The following PRDM5 variants were observed in gnomAD, a reference collection of about 807,000 sequenced individuals.
PRDM5 encodes PR domain zinc finger protein 5.
Under a neutral mutation model 81.2 loss-of-function variants are expected in PRDM5, and 56 were observed. That is an observed-to-expected ratio of 0.69 (90% CI 0.56 to 0.86). The LOEUF is 0.86. Ranked by LOEUF, PRDM5 falls within the 40% of genes least tolerant of loss-of-function variation. The pLI is 0.00. For synonymous variants in PRDM5, 267 were observed against 256.4 expected, an observed-to-expected ratio of 1.04 and a Z score of -0.39; for missense variants, 697 against 770.1, an observed-to-expected ratio of 0.91 and a Z score of 1.12.
chr4:120,903,777 G>T (rs375990774), intron 2 of PRDM5, among the ~76,000 whole-genome samples: 1 of 152,254 alleles, frequency 6.6e-6, no homozygotes, highest in African/African-American at 2.4e-5. Context: ...TTTTATAAAC[G>T]GGAGTTCTCT....
rs535638098 is a variant in PRDM5, at chr4:120,829,228, A to C, written c.301-7883T>G. Among the ~76,000 whole-genome samples, 356 of 152,218 alleles carry C rather than the reference A, an allele frequency of 2.3e-3. 1 individual carries two copies. Among genetic ancestry groups the C allele is most frequent in the African/African-American group, 8.0e-3 (331 of 41,558 alleles). ...AGCCATGCTTTGATAAGATTTTATCAATGTGACTACTTCTGTACTGTGGTA... is the reference window on the plus strand; with the variant it reads ...AGCCATGCTTTGATAAGATTTTATCCATGTGACTACTTCTGTACTGTGGTA... On this transcript the variant is annotated intron_variant, in intron 3 of 15. Transcript: ENST00000264808.
chr4:120,746,690 T>C (rs971722707), intron 14 of PRDM5, among the ~76,000 whole-genome samples: 324 of 147,928 alleles, frequency 2.2e-3, no homozygotes, highest in African/African-American at 7.5e-3. Context: ...AAAATGCTCA[T>C]CATCACCGGC....
chr4:120,764,868 A>T (rs1425195827), intron 13 of PRDM5, among the ~76,000 whole-genome samples: 1 of 152,228 alleles, frequency 6.6e-6, no homozygotes, highest in Non-Finnish European at 1.5e-5. Context: ...TAGTAATGAG[A>T]CAGAAAATAA....
intron 13 of PRDM5, among the ~76,000 whole-genome samples, chr4:120,761,861 A>G (rs1371716056): frequency 6.6e-6 from 1 of 152,170 alleles, no homozygotes; most frequent in African/African-American, 2.4e-5. Context: ...AAATACACTG[A>G]ATTAATATGT....
intron 14 of PRDM5, among the ~76,000 whole-genome samples, chr4:120,741,049 T>C (rs915766274): frequency 6.6e-6 from 1 of 152,128 alleles, no homozygotes; most frequent in African/African-American, 2.4e-5. Context: ...TATCATCCTC[T>C]ATCTCTAGTC....
intron 10 of PRDM5, among the ~76,000 whole-genome samples, chr4:120,793,639 ATTTT>A (rs1750905234): frequency 6.6e-6 from 1 of 152,218 alleles, no homozygotes; most frequent in East Asian, 1.9e-4. Context: ...GTATTTAATT[ATTTT>A]AATTGACAAA....
At chr4:120,828,552 T>A (rs1052772112) in intron 3 of PRDM5, among the ~76,000 whole-genome samples, 1 of 152,154 alleles carries the variant, frequency 6.6e-6, no homozygotes, top group Admixed American at 6.6e-5. Flanking sequence ...TTAACTTCAC[T>A]AGATAAAATA....
chr4:120,848,631 C>T lies in PRDM5; in HGVS notation c.300+4787G>A, dbSNP rs183789791. ...GCATTCAGTAAGTGTTAGCTGCCAT[C>T]ATCATCATTTTAAGGATTAACACAG... On this transcript the variant is annotated intron_variant, in intron 3 of 15. Transcript: ENST00000264808. Among the ~76,000 whole-genome samples the T allele has an allele frequency of 2.3e-3, 348 of 152,296 alleles. 3 individuals carry two copies. The highest frequency in any genetic ancestry group is 2.6e-3 in the Non-Finnish European group (180 of 68,000).
intron 9 of PRDM5, 126 bp downstream of exon 9, chr4:120,799,535 C>T (rs1189071639): frequency 7.1e-7 from 1 of 1,407,528 alleles, no homozygotes; most frequent in Non-Finnish European, 9.5e-7. Flanking sequence ...AATCACATGA[C>T]TACTAAAGGT....
intron 2 of PRDM5, among the ~76,000 whole-genome samples, chr4:120,889,869 T>A (rs1763850126): frequency 6.6e-6 from 1 of 152,222 alleles, no homozygotes; most frequent in Non-Finnish European, 1.5e-5. Context: ...CCCATGTTGC[T>A]ACAAAGGCAT....
intron 12 of PRDM5, among the ~76,000 whole-genome samples, chr4:120,778,208 A>G (rs1748466284): frequency 6.6e-6 from 1 of 152,140 alleles, no homozygotes; most frequent in Admixed American, 6.5e-5. Context: ...AAAAGTATTA[A>G]TGTTATCATC....
At chr4:120,809,415 C>CA (rs1347888639) in intron 8 of PRDM5, among the ~76,000 whole-genome samples, 4 of 149,276 alleles carry the variant, frequency 2.7e-5, no homozygotes, top group Admixed American at 6.7e-5. Flanking sequence ...TTAAAAAAAA[C>CA]AAAAAAATGC....
At chr4:120,914,093 A>G (rs1766811727) in intron 1 of PRDM5, among the ~76,000 whole-genome samples, 1 of 152,196 alleles carries the variant, frequency 6.6e-6, no homozygotes. Context: ...CAGAAGAATT[A>G]GACCCACGCT....
intron 11 of PRDM5, 45 bp from the exon 12 acceptor site, chr4:120,781,348 A>C (rs748426484): frequency 5.1e-6 from 8 of 1,564,458 alleles, no homozygotes; most frequent in Non-Finnish European, 7.0e-6. Flanking sequence ...GCAGGGTCCT[A>C]TTAATTTCCT....
chr4:120,798,181 G>C (rs974740411), intron 10 of PRDM5, 86 bp downstream of exon 10: 14 of 1,045,328 alleles, frequency 1.3e-5, no homozygotes, highest in Non-Finnish European at 1.9e-5. Context: ...GTAGGCCCCA[G>C]ATGTACAAAA....
chr4:120,793,787 G>A (rs1035044142), intron 10 of PRDM5, among the ~76,000 whole-genome samples: 12 of 151,990 alleles, frequency 7.9e-5, no homozygotes, highest in Admixed American at 6.6e-5. Flanking sequence ...GTAGATTTTG[G>A]ATATTTTCAC....
At chr4:120,744,313 C>T (rs1308645422) in intron 14 of PRDM5, among the ~76,000 whole-genome samples, 4 of 151,988 alleles carry the variant, frequency 2.6e-5, no homozygotes, top group African/African-American at 7.3e-5. Flanking sequence ...CACTAAATGC[C>T]CACAAGAGAA....
rs1262461780 is a variant in PRDM5, at chr4:120,767,463, G to A, written c.1537+9725C>T. On this transcript the variant is annotated intron_variant, in intron 13 of 15. Transcript: ENST00000264808. ...ATCATAAAAAAGAAATTTGATTTCCGAAATTGTTGATGGACAGTTTGAATA... is the reference window on the plus strand; with the variant it reads ...ATCATAAAAAAGAAATTTGATTTCCAAAATTGTTGATGGACAGTTTGAATA... 4.6e-5 allele frequency among the ~76,000 whole-genome samples: 7 copies of A among 152,038 alleles called. No homozygotes were observed. The South Asian group carries it at 6.2e-4, about 14-fold the overall frequency.
At chr4:120,818,595 C>G (rs1754855468) in intron 4 of PRDM5, 68 bp from the exon 5 acceptor site, 3 of 1,382,288 alleles carry the variant, frequency 2.2e-6, no homozygotes, top group Non-Finnish European at 3.1e-6. Context: ...CAGTTTTGCT[C>G]TCATTTTAAA....
Sources: allele counts gnomAD v4.1 joint callset (sites outside exome capture counted in the v4.1 genomes callset), GRCh38; gene constraint gnomAD v4.1.1; transcripts MANE v1.5; gene names NCBI Gene and HGNC (gene_info 2026-07-23, HGNC 2026-07-21).